Variants in KATNIP observed in about 807,000 individuals in gnomAD.
KATNIP encodes the protein katanin interacting protein, also known as katanin-interacting protein.
In KATNIP, 126 loss-of-function variants were observed where a neutral mutation model predicts 174.0. The ratio of observed to expected loss-of-function variants is 0.72; its 90% CI spans 0.63 to 0.84. The LOEUF (loss-of-function observed/expected upper bound fraction) is 0.84. KATNIP is among the 40% of genes least tolerant of loss of function. The pLI, the probability that KATNIP is intolerant of heterozygous loss-of-function variation, is 0.00. For synonymous variants in KATNIP, 810 were observed against 835.7 expected (o/e 0.97, Z 0.53); for missense variants, 1,958 against 2,109.7 (o/e 0.93, Z 1.41).
At chr16:27,728,982 TCCCACCTGCCTCCTGC>T (rs2080556747) in intron 14 of KATNIP, among the ~76,000 whole-genome samples, 1 of 152,192 alleles carries the variant, frequency 6.6e-6, no homozygotes, top group Non-Finnish European at 1.5e-5. Context: ...GGGTGGAGCT[TCCCACCTGCCTCCTGC>T]CAGGACTGAC....
At chr16:27,762,075 C>T (rs2081974157) in intron 19 of KATNIP, among the ~76,000 whole-genome samples, 1 of 152,090 alleles carries the variant, frequency 6.6e-6, no homozygotes, top group Non-Finnish European at 1.5e-5. Context: ...ATTTCATAAG[C>T]CAAGGTTGCG....
In KATNIP at chr16:27,564,381, C is replaced by T. The variant is rs1011527161; in HGVS notation, c.8-9520C>T. Among the ~76,000 whole-genome samples the T allele has an allele frequency of 3.3e-5, 5 of 152,088 alleles. No individual in the cohort carries two copies. In the South Asian group the frequency reaches 6.2e-4, roughly 19 times the overall value. On this transcript the variant is annotated intron_variant, in intron 1 of 27. Transcript: ENST00000261588. ...CTGACCCAGAGCCTCCCCTCTCAGC[C>T]GCCACACAGCATTGTCCCCAGGCTC...
Position 27,777,544 on chromosome 16 carries a change from G to C in KATNIP, c.4552-66G>C, listed in dbSNP as rs1030348824. 3.9e-5 allele frequency: 58 copies of C among 1,494,034 alleles called. No homozygotes were observed. Among genetic ancestry groups the C allele is most frequent in the Non-Finnish European group, 5.1e-5 (56 of 1,106,492 alleles). 92.5% of individuals were successfully genotyped at this position (1,494,034 alleles called of 1,614,324 possible). The stretch of plus-strand genomic sequence containing the variant: ...AAGCCTTGGCTCAGAGCAGTAACGC[G>C]TTCTGCCCAAGGTCAACGTGGGAGG... On this transcript the variant is annotated intron_variant, in intron 25 of 27. Coordinates refer to ENST00000261588, the MANE Select transcript of KATNIP (RefSeq NM_015202.5). This position sits in a 1 kb window ranked among gnomAD's most constrained non-coding sequence, Gnocchi z 4.4.
At chr16:27,565,059 C>T (rs2090032672) in intron 1 of KATNIP, among the ~76,000 whole-genome samples, 1 of 151,686 alleles carries the variant, frequency 6.6e-6, no homozygotes, top group Admixed American at 6.6e-5. Flanking sequence ...CCACCACGCC[C>T]GGCCCTACCT....
At chr16:27,735,816 T>G (rs1304056630) in intron 14 of KATNIP, among the ~76,000 whole-genome samples, 1 of 152,090 alleles carries the variant, frequency 6.6e-6, no homozygotes, top group Non-Finnish European at 1.5e-5. Flanking sequence ...GGTGAACATC[T>G]CCAGGGTCTC....
intron 5 of KATNIP, among the ~76,000 whole-genome samples, chr16:27,646,226 A>T (rs1468467320): frequency 3.3e-5 from 5 of 151,972 alleles, no homozygotes; most frequent in African/African-American, 1.2e-4. Context: ...ACCCATCAGG[A>T]CTCTGCTTCA....
rs1156436437 is a variant in KATNIP at position 27,691,557 on chromosome 16, C to T, written c.941-6771C>T. ...AAAAAGAATTAAAAGGTGGTTACCT[C>T]GTGTGCACGTGTGTGCGGTGTGAGG... is the stretch of plus-strand genomic sequence containing the variant. On this transcript the variant is annotated intron_variant, in intron 8 of 27. Coordinates refer to ENST00000261588, the MANE Select transcript of KATNIP (RefSeq NM_015202.5). Among the ~76,000 whole-genome samples the T allele has an allele frequency of 3.3e-5, 5 of 152,316 alleles. No homozygotes were observed. In the East Asian group the frequency reaches 5.8e-4, roughly 18 times the overall value.
chr16:27,648,713 A>G lies in KATNIP; in HGVS notation c.518A>G (p.Asn173Ser), dbSNP rs148570399. The change falls in exon 6 of 28, where the codon AAC (asparagine) becomes AGC (serine). Residue 173 changes from asparagine (N) to serine (S), a missense_variant. This residue lies in a region of KATNIP where 1,557 missense variants were observed against 1,617.8 expected (regional missense o/e 0.96). Transcript: ENST00000261588. The stretch of plus-strand genomic sequence containing the variant: ...GGGGATGTGACTCTCCAGGCAAACA[A>G]CACTTCTGAGGATCGTCCGCAGGTA... The part of the protein sequence containing the change: ...LCGDVTLQAN[N>S]TSEDRPQELR... 6.2e-6 allele frequency: 10 copies of G among 1,613,940 alleles called. No individual in the cohort carries two copies. In the African/African-American group the frequency reaches 1.1e-4, roughly 17 times the overall value.
At chr16:27,563,865 A>G (rs931277171) in intron 1 of KATNIP, among the ~76,000 whole-genome samples, 18 of 143,130 alleles carry the variant, frequency 1.3e-4, no homozygotes, top group Admixed American at 1.1e-3. Flanking sequence ...GCTAGGCAAC[A>G]TAGTGAGACC....
At chr16:27,558,609 C>T (rs1273676912) in intron 1 of KATNIP, among the ~76,000 whole-genome samples, 1 of 152,236 alleles carries the variant, frequency 6.6e-6, no homozygotes, top group African/African-American at 2.4e-5. Flanking sequence ...GTGTGGCCCA[C>T]TGCCTGCTAT....
At chr16:27,672,644 T>C (rs543062373) in intron 6 of KATNIP, among the ~76,000 whole-genome samples, 1 of 152,338 alleles carries the variant, frequency 6.6e-6, no homozygotes, top group East Asian at 1.9e-4. Context: ...GTCTGTGTTA[T>C]GCGTGGATAA....
intron 20 of KATNIP, 36 bp downstream of exon 20, chr16:27,766,510 A>C (rs8043555): frequency 6.3e-7 from 1 of 1,591,812 alleles, no homozygotes; most frequent in Admixed American, 1.7e-5. Context: ...TCAGTCCAGC[A>C]TCAGGGAAGC....
chr16:27,612,242 C>G (rs1258574274), intron 2 of KATNIP, among the ~76,000 whole-genome samples: 1 of 152,288 alleles, frequency 6.6e-6, no homozygotes, highest in East Asian at 1.9e-4. Flanking sequence ...CACCAGACAA[C>G]AGGTACAGGC....
At chr16:27,658,909 T>C (rs1323363073) in intron 6 of KATNIP, among the ~76,000 whole-genome samples, 1 of 151,922 alleles carries the variant, frequency 6.6e-6, no homozygotes, top group African/African-American at 2.4e-5. Flanking sequence ...ATTACAGATG[T>C]GTGCTAGCAT....
chr16:27,721,707 G>T lies in KATNIP; in HGVS notation c.1743+12G>T. 1 of 1,612,824 alleles carries T rather than the reference G, an allele frequency of 6.2e-7. No individual in the cohort carries two copies. Among genetic ancestry groups the T allele is most frequent in the Non-Finnish European group, 8.5e-7 (1 of 1,179,546 alleles). On this transcript the variant is annotated intron_variant, in intron 14 of 27. Coordinates refer to ENST00000261588, the MANE Select transcript of KATNIP (RefSeq NM_015202.5). Reference sequence around the variant, plus strand: ...GGACAGCTGATGGCGTAAGTAACAGGCGCTGGTTCCCCACTGGGCACTGGG... The same window carrying T: ...GGACAGCTGATGGCGTAAGTAACAGTCGCTGGTTCCCCACTGGGCACTGGG...
intron 19 of KATNIP, among the ~76,000 whole-genome samples, chr16:27,766,106 T>C (rs2082112989): frequency 6.6e-6 from 1 of 152,046 alleles, no homozygotes; most frequent in Non-Finnish European, 1.5e-5. Flanking sequence ...TTTTTTTCTT[T>C]TAAAAAATGT....
intron 16 of KATNIP, 23 bp downstream of exon 16, chr16:27,750,329 T>G: frequency 6.3e-7 from 1 of 1,580,358 alleles, no homozygotes; most frequent in Non-Finnish European, 8.6e-7. Flanking sequence ...TGTAAGAATT[T>G]TCTCAGAGCC....
At chr16:27,652,957 C>T (rs2077162043) in intron 6 of KATNIP, among the ~76,000 whole-genome samples, 1 of 152,036 alleles carries the variant, frequency 6.6e-6, no homozygotes, top group Non-Finnish European at 1.5e-5. Context: ...GATGATTATG[C>T]CACTGCACTC....
intron 18 of KATNIP, among the ~76,000 whole-genome samples, chr16:27,758,069 G>C (rs531598187): frequency 1.3e-5 from 2 of 152,318 alleles, no homozygotes; most frequent in Admixed American, 6.5e-5. Flanking sequence ...TCGAAAAGGA[G>C]AGTAATCAAT....
Sources: gnomAD v4.1 joint callset for allele counts (sites outside exome capture counted in the v4.1 genomes callset) on GRCh38, gnomAD v4.1.1 for gene constraint, gnomAD v4.1.1 regional missense constraint, Gnocchi (gnomAD v3.1) non-coding constraint, MANE v1.5 for transcripts, NCBI Gene and HGNC (gene_info 2026-07-23, HGNC 2026-07-21) for gene names.